CCNB1: variants seen among roughly 807,000 people sequenced by gnomAD.
CCNB1 encodes G2/mitotic-specific cyclin-B1.
A neutral mutation model predicts 44.4 loss-of-function variants in CCNB1; 26 were observed. The ratio of observed to expected loss-of-function variants is 0.59; its 90% CI spans 0.43 to 0.81. The LOEUF is 0.81. Among genes scored for constraint, CCNB1 ranks in the 40% least tolerant of loss-of-function variants. The pLI, the probability that CCNB1 is intolerant of heterozygous loss-of-function variation, is 0.00. For missense variants in CCNB1, 477 were observed against 520.9 expected (o/e 0.92, Z 0.82); for synonymous variants, 195 against 181.4 (o/e 1.08, Z -0.60).
chr5:69,177,187 T>G, intron 7 of CCNB1, 52 bp from the exon 8 acceptor site: 4 of 1,024,748 alleles, frequency 3.9e-6, no homozygotes, highest in Admixed American at 1.8e-5. Context: ...CTAGAAACTT[T>G]ATGAAAATCA....
At chr5:69,169,083 CTTG>C (rs1692278296) in intron 3 of CCNB1, among the ~76,000 whole-genome samples, 1 of 151,496 alleles carries the variant, frequency 6.6e-6, no homozygotes, top group African/African-American at 2.4e-5. Flanking sequence ...CTGAAAAAAA[CTTG>C]TTGAGACAGA....
chr5:69,177,356 C>A lies in CCNB1; in HGVS notation c.1194+7C>A. On this transcript the variant is annotated splice_region_variant and intron_variant, in intron 8 of 8. Coordinates refer to ENST00000256442, the MANE Select transcript of CCNB1 (RefSeq NM_031966.4). ...AGGACTTACAAAGCACATGGTGAGT[C>A]AATATAGTGGCATTGTAAGATGCTG... 3 of 1,543,178 alleles carry A rather than the reference C, an allele frequency of 1.9e-6. No individual in the cohort carries two copies. Among genetic ancestry groups the A allele is most frequent in the East Asian group, 2.2e-5 (1 of 44,474 alleles).
intron 5 of CCNB1, 104 bp from the exon 6 acceptor site, chr5:69,174,773 A>ATTAG (rs1747544401): frequency 1.3e-6 from 1 of 792,550 alleles, no homozygotes; most frequent in South Asian, 1.6e-5. Context: ...ATATGGTGTC[A>ATTAG]TTAAGATTTT....
At chr5:69,167,624 T>A (rs1039334579) in intron 1 of CCNB1, 3 of 504,018 alleles carry the variant, frequency 6.0e-6, no homozygotes, top group Non-Finnish European at 1.0e-5. Context: ...AGAGAGAAGG[T>A]GTCTGCAATT....
rs1747547907 is a variant in CCNB1 at position 69,174,898 on chromosome 5, ATGC to A, written c.731_733del (p.Leu244del). 2 of 1,614,082 alleles carry A rather than the reference ATGC, an allele frequency of 1.2e-6. No homozygotes were observed. Among genetic ancestry groups the A allele is most frequent in the Non-Finnish European group, 1.7e-6 (2 of 1,179,942 alleles). ...GCAGAATAATTGTGTGCCCAAGAAGATGCTGCAGCTGGTTGGTGTCACTGCCAT... is the reference window on the plus strand; with the variant it reads ...GCAGAATAATTGTGTGCCCAAGAAGATGCAGCTGGTTGGTGTCACTGCCAT... On this transcript the variant is annotated inframe_deletion, in exon 6 of 9. Coordinates refer to ENST00000256442, the MANE Select transcript of CCNB1 (RefSeq NM_031966.4).
rs1210991157 is a variant in CCNB1, at chr5:69,175,481, C to T, written c.1027C>T (p.Gln343Ter). 6.2e-7 allele frequency: 1 copy of T among 1,614,004 alleles called. No homozygotes were observed. The highest frequency in any genetic ancestry group is 1.7e-5 in the Admixed American group (1 of 60,018). ...TGACATGGTGCACTTTCCTCCTTCT[C>T]AAATTGCAGCAGGAGCTTTTTGCTT... Reference protein sequence around the residue: ...DYDMVHFPPSQIAAGAFCLAL... With the variant: ...DYDMVHFPPS The change falls in exon 7 of 9, where the codon CAA becomes TAA. Residue 343 changes from glutamine (Q) to a stop codon, truncating the protein, a stop_gained. Coordinates refer to ENST00000256442, the MANE Select transcript of CCNB1 (RefSeq NM_031966.4). LOFTEE classifies it high-confidence loss of function.
At chr5:69,175,582 AG>A in intron 7 of CCNB1, 45 bp downstream of exon 7, 1 of 1,583,040 alleles carries the variant, frequency 6.3e-7, no homozygotes, top group Non-Finnish European at 8.6e-7. Flanking sequence ...AATTTTAAAG[AG>A]TGACTAAATA....
At chr5:69,172,130 G>A (rs1397825148) in intron 4 of CCNB1, among the ~76,000 whole-genome samples, 1 of 151,982 alleles carries the variant, frequency 6.6e-6, no homozygotes, top group African/African-American at 2.4e-5. Flanking sequence ...CAGGCTAGAG[G>A]GCAGTGGTGC....
chr5:69,173,831 G>A (rs562863527), intron 4 of CCNB1, among the ~76,000 whole-genome samples: 1 of 152,030 alleles, frequency 6.6e-6, no homozygotes, highest in Admixed American at 6.6e-5. Context: ...GTGCAGTGGT[G>A]CAATCTCGGC....
Position 69,177,687 on chromosome 5 carries a change from ATCTGTAC to A in CCNB1, c.*57_*63del. 2 of 1,001,538 alleles carry A rather than the reference ATCTGTAC, an allele frequency of 2.0e-6. No individual in the cohort carries two copies. Among genetic ancestry groups the A allele is most frequent in the Middle Eastern group, 2.1e-4 (1 of 4,796 alleles). The allele number at this position is 1,001,538 out of a possible 1,614,324, so 62.0% of individuals were successfully genotyped here. ...ACAAATAAAATTGGCACCATGTGCC[ATCTGTAC>A]ATATTACTGTTGCATTTACTTTTAA... is the stretch of plus-strand genomic sequence containing the variant. On this transcript the variant is annotated 3_prime_UTR_variant, in exon 9 of 9. Transcript: ENST00000256442.
chr5:69,176,539 T>C (rs1369751451), intron 7 of CCNB1, among the ~76,000 whole-genome samples: 2 of 117,374 alleles, frequency 1.7e-5, no homozygotes, highest in African/African-American at 9.2e-5. Flanking sequence ...TATATATATA[T>C]ATATTTTTTT....
chr5:69,167,253 A>G lies in CCNB1; in HGVS notation c.-10A>G. On this transcript the variant is annotated 5_prime_UTR_variant, in exon 1 of 9. Transcript: ENST00000256442. Reference sequence around the variant, plus strand: ...TCCCCGCTGAGCTGCTGCCTGGTGAAGAGGAAGCCATGGCGCTCCGAGTCA... The same window carrying G: ...TCCCCGCTGAGCTGCTGCCTGGTGAGGAGGAAGCCATGGCGCTCCGAGTCA... 6.4e-7 allele frequency: 1 copy of G among 1,568,864 alleles called. No individual in the cohort carries two copies.
chr5:69,170,119 A>C (rs1274941000), intron 3 of CCNB1, among the ~76,000 whole-genome samples: 1 of 151,372 alleles, frequency 6.6e-6, no homozygotes, highest in Non-Finnish European at 1.5e-5. Context: ...GCCAGCCACC[A>C]CACCCAGCTA....
Position 69,174,240 on chromosome 5 carries a change from T to TA in CCNB1, c.547-11_547-10insA. ...CATGTTTCTAAGAATAATCAGCATT[T>TA]TCTTTTGCAGGAAGAGCAAGCAGTC... is the stretch of plus-strand genomic sequence containing the variant. On this transcript the variant is annotated splice_polypyrimidine_tract_variant and intron_variant, in intron 4 of 8. Coordinates refer to ENST00000256442, the MANE Select transcript of CCNB1 (RefSeq NM_031966.4). 5 of 1,612,918 alleles carry TA rather than the reference T, an allele frequency of 3.1e-6. No individual in the cohort carries two copies. Among genetic ancestry groups the TA allele is most frequent in the Non-Finnish European group, 3.4e-6 (4 of 1,179,610 alleles).
chr5:69,167,905 C>A lies in CCNB1; in HGVS notation c.22-3C>A, dbSNP rs768630510. ...GCTCTTAAAGTGGTCTTGCTTCTTTCAGAACTCGAAAATTAATGCTGAAAA... is the reference window on the plus strand; with the variant it reads ...GCTCTTAAAGTGGTCTTGCTTCTTTAAGAACTCGAAAATTAATGCTGAAAA... On this transcript the variant is annotated splice_polypyrimidine_tract_variant and splice_region_variant and intron_variant, in intron 1 of 8. Transcript: ENST00000256442. 6.2e-7 allele frequency: 1 copy of A among 1,607,676 alleles called. No homozygotes were observed. Among genetic ancestry groups the A allele is most frequent in the Non-Finnish European group, 8.5e-7 (1 of 1,177,670 alleles).
intron 4 of CCNB1, among the ~76,000 whole-genome samples, chr5:69,172,765 GTTTC>G (rs1174726520): frequency 7.7e-6 from 1 of 129,474 alleles, no homozygotes; most frequent in African/African-American, 2.9e-5. Flanking sequence ...TAAATGTGCT[GTTTC>G]TTTTTTTTTT....
At chr5:69,176,531 T>A (rs1394456505) in intron 7 of CCNB1, among the ~76,000 whole-genome samples, 1 of 126,002 alleles carries the variant, frequency 7.9e-6, no homozygotes, top group African/African-American at 3.8e-5. Flanking sequence ...TAATTTTATA[T>A]ATATATATAT....
chr5:69,172,215 T>G lies in CCNB1; in HGVS notation c.546+763T>G, dbSNP rs1379415882. Reference sequence around the variant, plus strand: ...GCCTCGGCCTCCCAAGTAGTTGGGGTTGCAGGCACACACCACCATGCCTGG... The same window carrying G: ...GCCTCGGCCTCCCAAGTAGTTGGGGGTGCAGGCACACACCACCATGCCTGG... On this transcript the variant is annotated intron_variant, in intron 4 of 8. Transcript: ENST00000256442. Among the ~76,000 whole-genome samples the G allele has an allele frequency of 4.7e-5, 5 of 106,382 alleles. No individual in the cohort carries two copies. The Admixed American group carries it at 4.9e-4, about 10-fold the overall frequency. 69.8% of individuals were successfully genotyped at this position (106,382 alleles called of 152,430 possible).
chr5:69,177,135 A>T, intron 7 of CCNB1, 104 bp from the exon 8 acceptor site: 1 of 637,788 alleles, frequency 1.6e-6, no homozygotes, highest in Non-Finnish European at 2.8e-6. Context: ...TATTAATTAT[A>T]CAGTACCCAT....
Sources: allele counts gnomAD v4.1 joint callset (sites outside exome capture counted in the v4.1 genomes callset), GRCh38; gene constraint gnomAD v4.1.1; transcripts MANE v1.5; gene names NCBI Gene and HGNC (gene_info 2026-07-23, HGNC 2026-07-21).